ABCD2: variants seen among roughly 807,000 people sequenced by gnomAD.
The protein encoded by ABCD2 is ATP-binding cassette sub-family D member 2.
ABCD2 carries 36 observed loss-of-function variants against 70.9 expected under a neutral mutation model. The ratio of observed to expected loss-of-function variants is 0.51; its 90% CI spans 0.39 to 0.67. ABCD2 has a LOEUF of 0.67. ABCD2 is among the 30% of genes least tolerant of loss of function. The probability of loss-of-function intolerance (pLI) is 0.00; values close to 1 mark genes in which losing one functional copy is unlikely to be tolerated. For missense variants in ABCD2, 729 were observed against 890.2 expected, an observed-to-expected ratio of 0.82 and a Z score of 2.30; for synonymous variants, 304 against 306.9, an observed-to-expected ratio of 0.99 and a Z score of 0.10.
intron 6 of ABCD2, among the ~76,000 whole-genome samples, chr12:39,599,503 A>T (rs900616105): frequency 6.6e-6 from 1 of 152,208 alleles, no homozygotes; most frequent in Non-Finnish European, 1.5e-5. Flanking sequence ...AATGTTATCT[A>T]TTTTGTGTTA....
chr12:39,569,884 G>A (rs1218015921), intron 9 of ABCD2, among the ~76,000 whole-genome samples: 1 of 152,012 alleles, frequency 6.6e-6, no homozygotes, highest in African/African-American at 2.4e-5. Context: ...ATGAATTCAG[G>A]AAAGTTGCAA....
chr12:39,618,657 C>A lies in ABCD2; in HGVS notation c.939+20G>T. 1 of 1,592,522 alleles carries A rather than the reference C, an allele frequency of 6.3e-7. No homozygotes were observed. The highest frequency in any genetic ancestry group is 1.7e-5 in the Admixed American group (1 of 58,752). ...TTGAACAGTTTCACATTTCACCCAT[C>A]ACCTTAATTTCTATCTTACCTTATG... On this transcript the variant is annotated intron_variant, in intron 1 of 9. Coordinates refer to ENST00000308666, the MANE Select transcript of ABCD2 (RefSeq NM_005164.4).
chr12:39,605,997 A>G (rs898218472), intron 3 of ABCD2, among the ~76,000 whole-genome samples: 2 of 152,198 alleles, frequency 1.3e-5, no homozygotes, highest in African/African-American at 2.4e-5. Flanking sequence ...TATTTAAATG[A>G]TGATTTCTAA....
chr12:39,603,865 T>C lies in ABCD2; in HGVS notation c.1500+47A>G, dbSNP rs371349521. On this transcript the variant is annotated intron_variant, in intron 5 of 9. Coordinates refer to ENST00000308666, the MANE Select transcript of ABCD2 (RefSeq NM_005164.4). ...GGTACATGAATTCTGAGTTGTTTTG[T>C]ATTAGTGTGATGGCAACAATCAGAA... 2.2e-6 allele frequency: 3 copies of C among 1,381,086 alleles called. No individual in the cohort carries two copies. In the South Asian group the frequency reaches 3.5e-5, roughly 16 times the overall value. The allele number at this position is 1,381,086 out of a possible 1,614,324, so 85.6% of individuals were successfully genotyped here. A position where few individuals can be genotyped will look rare whatever the true frequency, so the allele number is the denominator to read the frequency against.
chr12:39,563,934 A>T (rs1220700647), intron 9 of ABCD2, among the ~76,000 whole-genome samples: 1 of 152,182 alleles, frequency 6.6e-6, no homozygotes, highest in Non-Finnish European at 1.5e-5. Context: ...AGCTTCATCC[A>T]TGTCCTTACA....
At chr12:39,607,974 C>T (rs1194907199) in intron 2 of ABCD2, among the ~76,000 whole-genome samples, 3 of 152,072 alleles carry the variant, frequency 2.0e-5, no homozygotes, top group East Asian at 3.9e-4. Context: ...TTGAGACTAG[C>T]TTGGCCAGTA....
Position 39,553,879 on chromosome 12 carries a change from TA to T in ABCD2, c.*32del. On this transcript the variant is annotated 3_prime_UTR_variant, in exon 10 of 10. Transcript: ENST00000308666. ...AACAGAATGTCTTTGAGCCTTTATC[TA>T]ATAATTAACTTTTAAAATATGTCAA... 6.7e-7 allele frequency: 1 copy of T among 1,490,232 alleles called. No individual in the cohort carries two copies. The highest frequency in any genetic ancestry group is 9.2e-7 in the Non-Finnish European group (1 of 1,090,022). The allele number at this position is 1,490,232 out of a possible 1,614,324, so 92.3% of individuals were successfully genotyped here.
At chr12:39,561,815 T>G (rs973946990) in intron 9 of ABCD2, among the ~76,000 whole-genome samples, 1 of 152,190 alleles carries the variant, frequency 6.6e-6, no homozygotes, top group Non-Finnish European at 1.5e-5. Flanking sequence ...ACACCAGATT[T>G]AAGCTATATT....
the ABCD2 span, among the ~76,000 whole-genome samples, chr12:39,533,770 T>A: frequency 6.6e-6 from 1 of 152,250 alleles, no homozygotes; most frequent in African/African-American, 2.4e-5. Flanking sequence ...TGTTTCATCG[T>A]CCAAGAAGTA....
chr12:39,534,980 CGTT>C, the ABCD2 span, among the ~76,000 whole-genome samples: 1 of 151,614 alleles, frequency 6.6e-6, no homozygotes, highest in Non-Finnish European at 1.5e-5. Context: ...CTTTATATCT[CGTT>C]GTCTACCTGG....
intron 9 of ABCD2, among the ~76,000 whole-genome samples, chr12:39,561,971 T>C (rs1941266503): frequency 6.6e-6 from 1 of 152,142 alleles, no homozygotes; most frequent in African/African-American, 2.4e-5. Flanking sequence ...TTTAAGAAGA[T>C]TGAAATTATA....
chr12:39,569,169 T>G (rs1393283644), intron 9 of ABCD2, among the ~76,000 whole-genome samples: 1 of 152,212 alleles, frequency 6.6e-6, no homozygotes, highest in Non-Finnish European at 1.5e-5. Context: ...GACAGGGACA[T>G]TTAAGTCTGC....
At chr12:39,543,264 T>TGA in the ABCD2 span, among the ~76,000 whole-genome samples, 9 of 152,208 alleles carry the variant, frequency 5.9e-5, no homozygotes, top group Non-Finnish European at 1.3e-4. Flanking sequence ...TCTGAGAAGA[T>TGA]GAGAGAGAGA....
chr12:39,572,878 G>GA (rs777068499), intron 9 of ABCD2, among the ~76,000 whole-genome samples: 39 of 152,024 alleles, frequency 2.6e-4, no homozygotes, highest in Non-Finnish European at 4.0e-4. Context: ...GAAGTCAAAA[G>GA]AAAAAATTTT....
Position 39,618,969 on chromosome 12 carries a change from A to G in ABCD2, c.647T>C (p.Met216Thr). ...PDQSLTEDIM[M>T]FSQSVAHLYS... Reference sequence around the variant, plus strand: ...CAAGTGAGCCACAGATTGGGAGAACATCATAATATCCTCCGTAAGAGATTG... The same window carrying G: ...CAAGTGAGCCACAGATTGGGAGAACGTCATAATATCCTCCGTAAGAGATTG... The change falls in exon 1 of 10, where the codon ATG becomes ACG. Residue 216 changes from methionine to threonine, a missense_variant. This residue lies in a region of ABCD2 where 245 missense variants were observed against 261.2 expected (regional missense o/e 0.94). Transcript: ENST00000308666. The G allele has an allele frequency of 6.2e-7, 1 of 1,614,250 alleles. No individual in the cohort carries two copies. Among genetic ancestry groups the G allele is most frequent in the Non-Finnish European group, 8.5e-7 (1 of 1,180,040 alleles).
At chr12:39,613,761 G>A (rs972474342) in intron 2 of ABCD2, among the ~76,000 whole-genome samples, 1 of 152,182 alleles carries the variant, frequency 6.6e-6, no homozygotes, top group Non-Finnish European at 1.5e-5. Flanking sequence ...AGACCAGATG[G>A]CCTTTAAGCT....
chr12:39,531,646 C>T, the ABCD2 span, among the ~76,000 whole-genome samples: 4 of 152,228 alleles, frequency 2.6e-5, no homozygotes, highest in African/African-American at 9.6e-5. Context: ...TGTACATCTT[C>T]ATTCCTCTCT....
chr12:39,538,367 G>T, the ABCD2 span, among the ~76,000 whole-genome samples: 5 of 151,762 alleles, frequency 3.3e-5, no homozygotes, highest in African/African-American at 1.2e-4. Context: ...TAGAGATGGG[G>T]TTTCACCATG....
In ABCD2 at chr12:39,576,438, C is replaced by T. The variant is rs889588976; in HGVS notation, c.1878-2597G>A. 3.3e-5 allele frequency among the ~76,000 whole-genome samples: 5 copies of T among 152,072 alleles called. No homozygotes were observed. The East Asian group carries it at 9.6e-4, about 29-fold the overall frequency. Reference sequence around the variant, plus strand: ...CCTCCCGAAGTGCTGGGATTATAGGCGTGATCCACCGCGCCCGGGATCAAG... The same window carrying T: ...CCTCCCGAAGTGCTGGGATTATAGGTGTGATCCACCGCGCCCGGGATCAAG... On this transcript the variant is annotated intron_variant, in intron 8 of 9. Transcript: ENST00000308666.
Sources: allele counts gnomAD v4.1 joint callset (sites outside exome capture counted in the v4.1 genomes callset), GRCh38; gene constraint gnomAD v4.1.1; regional missense constraint gnomAD v4.1.1; transcripts MANE v1.5; gene names NCBI Gene and HGNC (gene_info 2026-07-23, HGNC 2026-07-21).